ALOX5AP: variants seen among roughly 807,000 people sequenced by gnomAD.
ALOX5AP encodes arachidonate 5-lipoxygenase activating protein.
In ALOX5AP, 9 loss-of-function variants were observed where a neutral mutation model predicts 18.5. The ratio of observed to expected loss-of-function variants is 0.49; its 90% CI spans 0.29 to 0.85. The LOEUF is 0.85. ALOX5AP is among the 40% of genes least tolerant of loss of function. ALOX5AP has a pLI of 0.08. For synonymous variants in ALOX5AP, 81 were observed against 78.6 expected (o/e 1.03, Z -0.16); for missense variants, 172 against 202.5 (o/e 0.85, Z 0.91).
chr13:30,718,739 G>T (rs1287291660), intron 1 of ALOX5AP, among the ~76,000 whole-genome samples: 1 of 152,142 alleles, frequency 6.6e-6, no homozygotes, highest in East Asian at 1.9e-4. Context: ...CCGGGATCAG[G>T]GTCGCCCTAG....
At chr13:30,748,556 T>C (rs1288566944) in intron 2 of ALOX5AP, among the ~76,000 whole-genome samples, 1 of 152,136 alleles carries the variant, frequency 6.6e-6, no homozygotes, top group Non-Finnish European at 1.5e-5. Context: ...TCAAAATGGG[T>C]TCATCAGTTC....
At chr13:30,757,376 C>A (rs966689091) in intron 4 of ALOX5AP, among the ~76,000 whole-genome samples, 1 of 152,122 alleles carries the variant, frequency 6.6e-6, no homozygotes, top group Non-Finnish European at 1.5e-5. Flanking sequence ...CAGATCCTTC[C>A]CTGTGCCATC....
chr13:30,761,645 C>T (rs995385012), intron 4 of ALOX5AP, among the ~76,000 whole-genome samples: 1 of 152,314 alleles, frequency 6.6e-6, no homozygotes, highest in Admixed American at 6.5e-5. Context: ...TTTATTCTCT[C>T]ACAGTCCTAG....
intron 2 of ALOX5AP, among the ~76,000 whole-genome samples, chr13:30,749,059 C>G (rs1951831543): frequency 6.6e-6 from 1 of 152,196 alleles, no homozygotes; most frequent in African/African-American, 2.4e-5. Flanking sequence ...GAGCCAGGAA[C>G]AAGGCTCTGA....
rs546287501 is a variant in ALOX5AP at position 30,748,842 on chromosome 13, T to C, written c.171-3210T>C. On this transcript the variant is annotated intron_variant, in intron 2 of 4. Transcript: ENST00000380490. The stretch of plus-strand genomic sequence containing the variant: ...GCTAGGAAATGCACCCACACTCACA[T>C]AGCCCATAAGAGGCAGCCATGGCAT... Among the ~76,000 whole-genome samples the C allele has an allele frequency of 6.6e-5, 10 of 152,348 alleles. No homozygotes were observed. The South Asian group carries it at 2.1e-3, about 32-fold the overall frequency.
At chr13:30,741,763 C>T (rs1188291700) in intron 1 of ALOX5AP, among the ~76,000 whole-genome samples, 1 of 149,176 alleles carries the variant, frequency 6.7e-6, no homozygotes, top group Non-Finnish European at 1.5e-5. Context: ...AGTTGTTATA[C>T]TGTATTGTTA....
rs9740793 is a variant in ALOX5AP at position 30,724,702 on chromosome 13, T to A, written c.117-10849T>A. On this transcript the variant is annotated intron_variant, in intron 1 of 5. Transcript: ENST00000617770. ...ATAATAAACACAGAATGCATCACCA[T>A]GGGCCACCGTGTTGTCTTTTGACCT... Among the ~76,000 whole-genome samples the A allele has an allele frequency of 4.5e-3, 685 of 152,322 alleles. 6 individuals are homozygous for A. The highest frequency in any genetic ancestry group is 0.016 in the African/African-American group (658 of 41,562).
At chr13:30,734,936 AG>A (rs1951708476), upstream of ALOX5AP, among the ~76,000 whole-genome samples, 1 of 152,204 alleles carries the variant, frequency 6.6e-6, no homozygotes. Flanking sequence ...ATTCAAAAAA[AG>A]AAGGACAGTA....
intron 2 of ALOX5AP, among the ~76,000 whole-genome samples, chr13:30,750,550 C>T (rs1263799967): frequency 6.6e-6 from 1 of 152,182 alleles, no homozygotes; most frequent in Non-Finnish European, 1.5e-5. Flanking sequence ...CCGGCTTTGC[C>T]ACTCCCTAGC....
intron 4 of ALOX5AP, among the ~76,000 whole-genome samples, chr13:30,756,398 T>G (rs113346008): frequency 1.1e-4 from 16 of 152,204 alleles, no homozygotes; most frequent in African/African-American, 3.4e-4. Flanking sequence ...GTGAAATGTT[T>G]CATTGTTTGT....
chr13:30,739,200 G>A (rs1043298447), intron 1 of ALOX5AP, among the ~76,000 whole-genome samples: 2 of 152,130 alleles, frequency 1.3e-5, no homozygotes, highest in Non-Finnish European at 2.9e-5. Context: ...CTTGCGTTGT[G>A]TGAAGAATGG....
At chr13:30,756,060 G>A (rs767549630) in intron 4 of ALOX5AP, 35 bp downstream of exon 4, 46 of 1,587,164 alleles carry the variant, frequency 2.9e-5, no homozygotes, top group East Asian at 1.1e-4. Flanking sequence ...ACTGTGGAGC[G>A]ATTCCTGATT....
In ALOX5AP at chr13:30,752,076, C is replaced by T; in HGVS notation, c.195C>T (p.Pro65=). ...TANQNCVDAY[P]TFLAVLWSAG... The stretch of plus-strand genomic sequence containing the variant: ...GCCAGAACTGTGTAGATGCGTACCC[C>T]ACTTTCCTCGCTGTGCTCTGGTCTG... The change falls in exon 3 of 5, where the codon CCC becomes CCT. Residue 65 remains proline, a synonymous_variant. Coordinates refer to ENST00000380490, the MANE Select transcript of ALOX5AP (RefSeq NM_001629.4). 1 of 1,611,548 alleles carries T rather than the reference C, an allele frequency of 6.2e-7. No homozygotes were observed.
intron 1 of ALOX5AP, among the ~76,000 whole-genome samples, chr13:30,743,842 G>C (rs931966439): frequency 6.6e-6 from 1 of 152,038 alleles, no homozygotes; most frequent in African/African-American, 2.4e-5. Flanking sequence ...GAAAGTGGGG[G>C]CCGTGCCTTG....
At chr13:30,740,605 T>G (rs970771683) in intron 1 of ALOX5AP, among the ~76,000 whole-genome samples, 6 of 151,912 alleles carry the variant, frequency 3.9e-5, no homozygotes, top group African/African-American at 1.5e-4. Flanking sequence ...CGGTGAGGAG[T>G]AGACAAAGGC....
chr13:30,752,193 T>C, intron 3 of ALOX5AP, 71 bp downstream of exon 3: 2 of 1,526,900 alleles, frequency 1.3e-6, no homozygotes, highest in Non-Finnish European at 1.8e-6. Flanking sequence ...AGGGCAGGCT[T>C]TTTGTTGAAA....
intron 3 of ALOX5AP, among the ~76,000 whole-genome samples, chr13:30,754,620 A>G (rs1216032175): frequency 1.3e-5 from 2 of 152,268 alleles, no homozygotes; most frequent in African/African-American, 2.4e-5. Flanking sequence ...AGCGCAATAA[A>G]TGTTATTATT....
chr13:30,731,800 A>C (rs1951683530), upstream of ALOX5AP, among the ~76,000 whole-genome samples: 1 of 152,234 alleles, frequency 6.6e-6, no homozygotes, highest in Non-Finnish European at 1.5e-5. Context: ...AGTACAGACT[A>C]GGTCCCCACG....
rs1951841028 is a variant in ALOX5AP at position 30,750,172 on chromosome 13, G to A, written c.171-1880G>A. Among the ~76,000 whole-genome samples, 3 of 152,256 alleles carry A rather than the reference G, an allele frequency of 2.0e-5. 1 individual carries two copies. In the South Asian group the frequency reaches 6.2e-4, roughly 32 times the overall value. On this transcript the variant is annotated intron_variant, in intron 2 of 4. Transcript: ENST00000380490. ...ATGCTGCTGCCGCCTCTGGTCCCGA[G>A]AGCATGCCTGGAGAACTGCCACCTT...
Sources: gnomAD v4.1 joint callset for allele counts (sites outside exome capture counted in the v4.1 genomes callset) on GRCh38, gnomAD v4.1.1 for gene constraint, MANE v1.5 for transcripts, NCBI Gene and HGNC (gene_info 2026-07-23, HGNC 2026-07-21) for gene names.